ANKS4B: variants seen among roughly 807,000 people sequenced by gnomAD.
ANKS4B encodes the protein ankyrin repeat and sterile alpha motif domain containing 4B, also known as ankyrin repeat and SAM domain-containing protein 4B.
In ANKS4B, 21 loss-of-function variants were observed where a neutral mutation model predicts 20.2. The ratio of observed to expected loss-of-function variants is 1.04; its 90% CI spans 0.74 to 1.50. The LOEUF (loss-of-function observed/expected upper bound fraction) is 1.50, where lower values mean the gene tolerates loss of function less well. ANKS4B is among the 40% of genes most tolerant of loss of function. The pLI is 0.00. For missense variants in ANKS4B, 473 were observed against 494.6 expected (o/e 0.96, Z 0.41); for synonymous variants, 179 against 194.5 (o/e 0.92, Z 0.66).
chr16:21,240,654 T>C (rs1014726117), intron 1 of ANKS4B, among the ~76,000 whole-genome samples: 2 of 152,206 alleles, frequency 1.3e-5, no homozygotes, highest in African/African-American at 4.8e-5. Context: ...TGCAAACACA[T>C]GTACATTCTC....
rs914768033 is a variant in ANKS4B at position 21,251,690 on chromosome 16, T to C, written c.*870T>C. 1.3e-5 allele frequency: 2 copies of C among 152,120 alleles called. No homozygotes were observed. Among genetic ancestry groups the C allele is most frequent in the African/African-American group, 4.8e-5 (2 of 41,410 alleles). 9.4% of individuals were successfully genotyped at this position (152,120 alleles called of 1,614,324 possible). On this transcript the variant is annotated 3_prime_UTR_variant, in exon 2 of 2. Transcript: ENST00000311620. Reference sequence around the variant, plus strand: ...CAAATGTGTACATGTTTACAAGTAATGGAAATGCGTCTATAATACTCCTGC... The same window carrying C: ...CAAATGTGTACATGTTTACAAGTAACGGAAATGCGTCTATAATACTCCTGC...
At chr16:21,238,339 G>T (rs1461982379) in intron 1 of ANKS4B, among the ~76,000 whole-genome samples, 1 of 152,130 alleles carries the variant, frequency 6.6e-6, no homozygotes, top group African/African-American at 2.4e-5. Context: ...TTATATTGGG[G>T]TTTTCAACCA....
At chr16:21,248,145 G>C (rs1189987509) in intron 1 of ANKS4B, among the ~76,000 whole-genome samples, 1 of 151,962 alleles carries the variant, frequency 6.6e-6, no homozygotes, top group African/African-American at 2.4e-5. Context: ...ATTTTAGAAA[G>C]TTTGACAGCT....
intron 1 of ANKS4B, among the ~76,000 whole-genome samples, chr16:21,246,236 C>T (rs1459370496): frequency 6.6e-6 from 1 of 151,944 alleles, no homozygotes; most frequent in Non-Finnish European, 1.5e-5. Context: ...TTGTATTTGT[C>T]TTGATTGGTT....
chr16:21,245,898 A>G (rs1444936945), intron 1 of ANKS4B, among the ~76,000 whole-genome samples: 1 of 152,252 alleles, frequency 6.6e-6, no homozygotes, highest in East Asian at 1.9e-4. Context: ...AGTAATGTTT[A>G]TTCAATATTT....
chr16:21,241,206 T>C, intron 1 of ANKS4B, among the ~76,000 whole-genome samples: 1 of 152,176 alleles, frequency 6.6e-6, no homozygotes, highest in East Asian at 1.9e-4. Context: ...GTGAGCATGG[T>C]ACCAAATAGT....
chr16:21,249,905 T>C lies in ANKS4B; in HGVS notation c.339T>C (p.Cys113=), dbSNP rs2093336661. The C allele has an allele frequency of 6.2e-7, 1 of 1,614,180 alleles. No homozygotes were observed. The highest frequency in any genetic ancestry group is 8.5e-7 in the Non-Finnish European group (1 of 1,180,036). Residue 113 remains cysteine (C), a synonymous_variant, in exon 2 of 2, where the codon TGT becomes TGC. Coordinates refer to ENST00000311620, the MANE Select transcript of ANKS4B (RefSeq NM_145865.3). ...CTGCCAGCAGGGAGCAGAATGAATG[T>C]GTTGCTCTCCTGGACAAGGCTGCCA... is the stretch of plus-strand genomic sequence containing the variant. The part of the protein sequence containing the change: ...DAAASREQNE[C]VALLDKAATA...
chr16:21,248,420 C>A (rs1395910669), intron 1 of ANKS4B, among the ~76,000 whole-genome samples: 2 of 149,868 alleles, frequency 1.3e-5, no homozygotes, highest in Non-Finnish European at 3.0e-5. Context: ...CTTCTGAGAA[C>A]ATAGCCATTC....
chr16:21,233,936 T>G (rs759998268), intron 1 of ANKS4B, 35 bp downstream of exon 1: 3 of 1,581,964 alleles, frequency 1.9e-6, no homozygotes, highest in Non-Finnish European at 2.6e-6. Context: ...TTGGAAACAG[T>G]GTTCATGGTA....
At chr16:21,235,834 G>A (rs2093319680) in intron 1 of ANKS4B, among the ~76,000 whole-genome samples, 2 of 152,236 alleles carry the variant, frequency 1.3e-5, no homozygotes, top group South Asian at 2.1e-4. Flanking sequence ...CATCTCTCTT[G>A]TCTGAATAAG....
intron 1 of ANKS4B, among the ~76,000 whole-genome samples, chr16:21,235,815 G>A (rs1489021903): frequency 6.6e-6 from 1 of 152,120 alleles, no homozygotes; most frequent in Non-Finnish European, 1.5e-5. Context: ...GAGTGAAGCA[G>A]ATCTTCCCCA....
At chr16:21,236,851 T>G (rs918431694) in intron 1 of ANKS4B, among the ~76,000 whole-genome samples, 1 of 152,226 alleles carries the variant, frequency 6.6e-6, no homozygotes, top group Admixed American at 6.5e-5. Flanking sequence ...CTATATATAC[T>G]ATAGTGCATA....
chr16:21,243,658 G>A (rs780498610), intron 1 of ANKS4B, among the ~76,000 whole-genome samples: 5 of 152,002 alleles, frequency 3.3e-5, no homozygotes, highest in African/African-American at 4.8e-5. Context: ...TGCAAGCTCC[G>A]CCTCCTGGGT....
At chr16:21,246,733 C>T (rs1216745494) in intron 1 of ANKS4B, among the ~76,000 whole-genome samples, 1 of 152,092 alleles carries the variant, frequency 6.6e-6, no homozygotes. Context: ...ATCATGCTGC[C>T]TGTTACCCTT....
intron 1 of ANKS4B, among the ~76,000 whole-genome samples, chr16:21,239,161 A>G (rs1434394573): frequency 6.6e-6 from 1 of 152,200 alleles, no homozygotes; most frequent in Non-Finnish European, 1.5e-5. Flanking sequence ...TGTTGGTGGG[A>G]GTGTAAATTA....
Position 21,233,799 on chromosome 16 carries a change from C to T in ANKS4B, c.62C>T (p.Thr21Ile). The change falls in exon 1 of 2, where the codon ACC becomes ATC. Residue 21 changes from threonine (T) to isoleucine (I), a missense_variant. Physicochemically the swap from Thr to Ile is moderately conservative, Grantham distance 89. Transcript: ENST00000311620. ...DSYLELLKEA[T>I]KRDLNLSDED... ...TACCTGGAACTTCTAAAAGAGGCTA[C>T]CAAGCGAGATCTAAATCTTTCGGAT... 6.2e-7 allele frequency: 1 copy of T among 1,614,006 alleles called. No homozygotes were observed. The highest frequency in any genetic ancestry group is 8.5e-7 in the Non-Finnish European group (1 of 1,179,946).
intron 1 of ANKS4B, 131 bp from the exon 2 acceptor site, chr16:21,249,600 C>A: frequency 9.3e-7 from 1 of 1,077,306 alleles, no homozygotes; most frequent in Non-Finnish European, 1.3e-6. Context: ...TATCTTATAA[C>A]AATGTCAAGT....
intron 1 of ANKS4B, chr16:21,238,933 G>A (rs542064419): frequency 6.6e-6 from 1 of 152,206 alleles, no homozygotes; most frequent in African/African-American, 2.4e-5. Flanking sequence ...GTGTTGAGCA[G>A]GCCTGATGTA....
In ANKS4B at chr16:21,253,542, CT is replaced by C. The variant is rs1416568149; in HGVS notation, c.*2723del. 2 of 152,176 alleles carry C rather than the reference CT, an allele frequency of 1.3e-5. No individual in the cohort carries two copies. Among genetic ancestry groups the C allele is most frequent in the African/African-American group, 2.4e-5 (1 of 41,444 alleles). 9.4% of individuals were successfully genotyped at this position (152,176 alleles called of 1,614,324 possible). A position where few individuals can be genotyped will look rare whatever the true frequency, so the allele number is the denominator to read the frequency against. ...TCATCATCATAGATGCCAGAATCCC[CT>C]CTTCACCTATTGCCCGGAATCTGCC... On this transcript the variant is annotated 3_prime_UTR_variant, in exon 2 of 2. Transcript: ENST00000311620.
Sources: allele counts gnomAD v4.1 joint callset (sites outside exome capture counted in the v4.1 genomes callset), GRCh38; gene constraint gnomAD v4.1.1; transcripts MANE v1.5; gene names NCBI Gene and HGNC (gene_info 2026-07-23, HGNC 2026-07-21).